GFM2: variants seen among roughly 807,000 people sequenced by gnomAD.
The protein encoded by GFM2 is ribosome-releasing factor 2, mitochondrial.
GFM2 carries 72 observed loss-of-function variants against 95.4 expected under a neutral mutation model. That is an observed-to-expected ratio of 0.76 (90% CI 0.62 to 0.92). The LOEUF (loss-of-function observed/expected upper bound fraction) is 0.92. GFM2 is among the 40% of genes least tolerant of loss of function. GFM2 has a pLI of 0.00. For synonymous variants in GFM2, 276 were observed against 317.5 expected (o/e 0.87, Z 1.39); for missense variants, 825 against 924.1 (o/e 0.89, Z 1.39).
In GFM2 at chr5:74,730,360, A is replaced by C. The variant is rs1242005957; in HGVS notation, c.1626T>G (p.Ile542Met). The change falls in exon 17 of 21, where the codon ATT (isoleucine) becomes ATG (methionine). Residue 542 changes from isoleucine to methionine, a missense_variant. Physicochemically the swap from Ile to Met is conservative, Grantham distance 10. Transcript: ENST00000296805. ...LCGMGELHIE[I>M]IHDRIKREYG... is the part of the protein sequence containing the mutation. The stretch of plus-strand genomic sequence containing the variant: ...ATTCCCTCTTGATTCGATCATGAAT[A>C]ATCTCTATATGTAACTCCCCCATAC... 6.2e-7 allele frequency: 1 copy of C among 1,612,124 alleles called. No homozygotes were observed. The highest frequency in any genetic ancestry group is 1.3e-5 in the African/African-American group (1 of 74,882).
In GFM2 at chr5:74,758,878, T is replaced by C; in HGVS notation, c.275A>G (p.Tyr92Cys). The C allele has an allele frequency of 6.2e-7, 1 of 1,606,546 alleles. No homozygotes were observed. Among genetic ancestry groups the C allele is most frequent in the Non-Finnish European group, 8.5e-7 (1 of 1,173,146 alleles). ...GKTTTTERIL[Y>C]YSGYTRSLGD... ...CAGTGATCTTGTATATCCGGAATAGTACAATATTCTTTCTGTGGTGGTAGT... is the reference window on the plus strand; with the variant it reads ...CAGTGATCTTGTATATCCGGAATAGCACAATATTCTTTCTGTGGTGGTAGT... The change falls in exon 5 of 21, where the codon TAC (tyrosine) becomes TGC (cysteine). Residue 92 changes from tyrosine (Y) to cysteine (C), a missense_variant. Coordinates refer to ENST00000296805, the MANE Select transcript of GFM2 (RefSeq NM_032380.5).
At chr5:74,747,810 A>C (rs1743465988) in intron 7 of GFM2, 30 bp from the exon 8 acceptor site, 1 of 1,282,114 alleles carries the variant, frequency 7.8e-7, no homozygotes, top group East Asian at 2.3e-5. Context: ...AAAAATACAT[A>C]CTGAACAAAA....
intron 17 of GFM2, among the ~76,000 whole-genome samples, chr5:74,728,597 T>A (rs1750257681): frequency 6.6e-6 from 1 of 152,082 alleles, no homozygotes; most frequent in Non-Finnish European, 1.5e-5. Flanking sequence ...AGATAGTATT[T>A]TATATTCTAC....
chr5:74,741,716 C>T (rs1743116565), intron 10 of GFM2, 107 bp from the exon 11 acceptor site: 1 of 562,332 alleles, frequency 1.8e-6, no homozygotes, highest in Admixed American at 3.7e-5. Flanking sequence ...AAGACAGCTA[C>T]CTTACCTAGG....
At chr5:74,731,986 GCT>G (rs1362735034) in intron 16 of GFM2, among the ~76,000 whole-genome samples, 2 of 150,194 alleles carry the variant, frequency 1.3e-5, no homozygotes, top group Non-Finnish European at 3.0e-5. Context: ...ACAGGGTCTC[GCT>G]CTGTCACCCA....
At chr5:74,756,218 T>C (rs1271329835) in intron 5 of GFM2, among the ~76,000 whole-genome samples, 2 of 152,168 alleles carry the variant, frequency 1.3e-5, no homozygotes, top group Non-Finnish European at 2.9e-5. Flanking sequence ...CTTAAAGTAA[T>C]GAAAGCTAAC....
In GFM2 at chr5:74,726,080, T is replaced by C. The variant is rs768742394; in HGVS notation, c.1773A>G (p.Val591=). The change falls in exon 18 of 21, where the codon GTA becomes GTG. Residue 591 remains valine, a synonymous_variant. Transcript: ENST00000296805. ...TTTCAATTGGCCTTGCTTCCACTTC[T>C]ACAGTCACAAGATGCCTTTTGTCTC... ...TLGDKRHLVT[V]EVEARPIETS... is the part of the protein sequence containing the mutation. The C allele has an allele frequency of 6.2e-7, 1 of 1,612,616 alleles. No homozygotes were observed. The highest frequency in any genetic ancestry group is 8.5e-7 in the Non-Finnish European group (1 of 1,179,566).
intron 19 of GFM2, 46 bp downstream of exon 19, chr5:74,725,594 T>TGATAAGATAAGGTGA: frequency 7.7e-7 from 1 of 1,291,250 alleles, no homozygotes; most frequent in Admixed American, 1.7e-5. Context: ...GGTACTATAC[T>TGATAAGATAAGGTGA]CAGAAGAGTC....
intron 15 of GFM2, among the ~76,000 whole-genome samples, chr5:74,734,268 A>C (rs1742718323): frequency 6.6e-6 from 1 of 152,108 alleles, no homozygotes; most frequent in Admixed American, 6.5e-5. Context: ...TTAATATTGT[A>C]AATATTAGTA....
At chr5:74,764,777 T>A (rs918673803) in intron 1 of GFM2, among the ~76,000 whole-genome samples, 2 of 141,672 alleles carry the variant, frequency 1.4e-5, no homozygotes, top group Non-Finnish European at 3.0e-5. Flanking sequence ...TTCCCTTTGT[T>A]GTTTTTTTTT....
rs570056624 is a variant in GFM2, at chr5:74,732,476, AAAAAGAGG to A, written c.1587+538_1587+545del. Among the ~76,000 whole-genome samples the A allele has an allele frequency of 6.9e-3, 1,056 of 152,224 alleles. 6 individuals are homozygous for A. The highest frequency in any genetic ancestry group is 0.011 in the Non-Finnish European group (769 of 67,994). On this transcript the variant is annotated intron_variant, in intron 16 of 20. Coordinates refer to ENST00000296805, the MANE Select transcript of GFM2 (RefSeq NM_032380.5). ...TATGTAAACATTACCCTGTCCTCCT[AAAAAGAGG>A]ATGCAGAATGTAATTTAATCATTTC... is the stretch of plus-strand genomic sequence containing the variant.
intron 14 of GFM2, among the ~76,000 whole-genome samples, 167 bp from the exon 15 acceptor site, chr5:74,737,152 C>A (rs902905958): frequency 5.3e-5 from 8 of 152,176 alleles, no homozygotes; most frequent in African/African-American, 1.9e-4. Context: ...ATAAGTAAAG[C>A]TAATTTAACT....
chr5:74,734,388 AT>A (rs1742730659), intron 15 of GFM2, among the ~76,000 whole-genome samples: 1 of 152,126 alleles, frequency 6.6e-6, no homozygotes, highest in Non-Finnish European at 1.5e-5. Flanking sequence ...TGTAGGTCAC[AT>A]TATATTTCTA....
chr5:74,736,889 T>C lies in GFM2; in HGVS notation c.1417A>G (p.Asn473Asp), dbSNP rs1283704351. ...GCCAATAAAAGTCTCTCTGCTTCAT[T>C]GTTTTGTCTGTGCTTCTTTTCTCCC... ...REGEKKHRQN[N>D]EAERLLLAGV... The change falls in exon 15 of 21, where the codon AAT (asparagine) becomes GAT (aspartate). Residue 473 changes from asparagine (N) to aspartate (D), a missense_variant. Physicochemically the swap from Asn to Asp is conservative, Grantham distance 23. Transcript: ENST00000296805. The C allele has an allele frequency of 8.1e-6, 13 of 1,613,824 alleles. No individual in the cohort carries two copies. Among genetic ancestry groups the C allele is most frequent in the Admixed American group, 1.7e-5 (1 of 59,980 alleles).
intron 7 of GFM2, 61 bp downstream of exon 7, chr5:74,750,518 T>C: frequency 1.7e-6 from 2 of 1,155,148 alleles, no homozygotes; most frequent in East Asian, 2.4e-5. Flanking sequence ...AAATTTGACA[T>C]ATTCTACTTT....
intron 12 of GFM2, among the ~76,000 whole-genome samples, chr5:74,739,767 GAA>G (rs746281050): frequency 1.3e-5 from 2 of 152,092 alleles, no homozygotes; most frequent in Non-Finnish European, 2.9e-5. Context: ...TTTACACAGT[GAA>G]AAGACATACC....
chr5:74,746,332 GT>G (rs1197476078), intron 8 of GFM2, among the ~76,000 whole-genome samples, 167 bp from the exon 9 acceptor site: 1 of 152,196 alleles, frequency 6.6e-6, no homozygotes, highest in East Asian at 1.9e-4. Flanking sequence ...ATAGGAAAAT[GT>G]CTGGAATAAA....
Position 74,750,572 on chromosome 5 carries a change from T to G in GFM2, c.519+7A>C. On this transcript the variant is annotated splice_region_variant and intron_variant, in intron 7 of 20. Transcript: ENST00000296805. ...CTAATTCCCTTTACTTTGGCAATAT[T>G]ATTTACCTCTACACCAGCAGAGGCA... The G allele has an allele frequency of 2.5e-6, 4 of 1,601,780 alleles. No homozygotes were observed. Among genetic ancestry groups the G allele is most frequent in the Non-Finnish European group, 3.4e-6 (4 of 1,169,584 alleles).
chr5:74,761,378 A>G (rs1561265033), intron 2 of GFM2, among the ~76,000 whole-genome samples: 1 of 152,170 alleles, frequency 6.6e-6, no homozygotes, highest in Non-Finnish European at 1.5e-5. Context: ...CAGATTGAGA[A>G]CCACAACCCT....
Sources: allele counts gnomAD v4.1 joint callset (sites outside exome capture counted in the v4.1 genomes callset), GRCh38; gene constraint gnomAD v4.1.1; transcripts MANE v1.5; gene names NCBI Gene and HGNC (gene_info 2026-07-23, HGNC 2026-07-21).